The following NALCN variants were observed in gnomAD, a reference collection of about 807,000 sequenced individuals.
NALCN encodes the protein sodium leak channel NALCN.
In NALCN, 111 loss-of-function variants were observed where a neutral mutation model predicts 225.3. The ratio of observed to expected loss-of-function variants is 0.49; its 90% CI spans 0.42 to 0.58. The LOEUF is 0.58. Among genes scored for constraint, NALCN ranks in the 20% least tolerant of loss-of-function variants. NALCN has a pLI of 0.00. For missense variants in NALCN, 1,378 were observed against 2,202.4 expected (o/e 0.63, Z 7.49); for synonymous variants, 764 against 769.0 (o/e 0.99, Z 0.11).
intron 15 of NALCN, among the ~76,000 whole-genome samples, chr13:101,160,180 T>C (rs1008058450): frequency 6.6e-6 from 1 of 152,132 alleles, no homozygotes; most frequent in South Asian, 2.1e-4. Flanking sequence ...GGTCTCGATC[T>C]CCTGACCTTG....
intron 7 of NALCN, among the ~76,000 whole-genome samples, chr13:101,343,188 A>G (rs1243629320): frequency 2.0e-5 from 3 of 152,158 alleles, no homozygotes; most frequent in African/African-American, 7.2e-5. Flanking sequence ...TAGTTTGTGT[A>G]TCTACAGAGA....
intron 3 of NALCN, among the ~76,000 whole-genome samples, chr13:101,386,355 C>T (rs2139453807): frequency 6.6e-6 from 1 of 152,128 alleles, no homozygotes; most frequent in East Asian, 1.9e-4. Context: ...CCTGTATGTG[C>T]TAAGTCTGTC....
intron 14 of NALCN, among the ~76,000 whole-genome samples, chr13:101,185,813 C>G (rs1366152451): frequency 1.3e-5 from 2 of 152,196 alleles, no homozygotes; most frequent in African/African-American, 4.8e-5. Context: ...AAGACTAAAT[C>G]AGGAACTCAT....
At chr13:101,171,429 A>C (rs981596968) in intron 15 of NALCN, among the ~76,000 whole-genome samples, 1 of 151,214 alleles carries the variant, frequency 6.6e-6, no homozygotes, top group Non-Finnish European at 1.5e-5. Flanking sequence ...ATAGATATAC[A>C]CACACACACA....
intron 35 of NALCN, 58 bp from the exon 36 acceptor site, chr13:101,074,720 CAGAGAGAG>C (rs71200721): frequency 3.7e-6 from 5 of 1,343,676 alleles, no homozygotes; most frequent in Admixed American, 2.6e-5. Context: ...GAGACAGAGA[CAGAGAGAG>C]AGAGAGAGAG....
chr13:101,364,093 T>C (rs1210885717), intron 6 of NALCN, among the ~76,000 whole-genome samples: 3 of 152,082 alleles, frequency 2.0e-5, no homozygotes, highest in Non-Finnish European at 4.4e-5. Flanking sequence ...GGTGAGAATG[T>C]AGAGAAACAG....
rs755473617 is a variant in NALCN at position 101,062,130 on chromosome 13, AAC to A, written c.4605-14_4605-13del. 1.2e-5 allele frequency: 20 copies of A among 1,613,410 alleles called. No homozygotes were observed. The highest frequency in any genetic ancestry group is 1.6e-5 in the Non-Finnish European group (19 of 1,179,758). ...GGTATGAAAGCATGCTGGTGGGAGA[AAC>A]ACACCTGCAATCGCAGCTCTGATTC... On this transcript the variant is annotated splice_polypyrimidine_tract_variant and intron_variant, in intron 40 of 43. Coordinates refer to ENST00000251127, the MANE Select transcript of NALCN (RefSeq NM_052867.4).
At chr13:101,086,354 C>T (rs538697625) in intron 30 of NALCN, among the ~76,000 whole-genome samples, 20 of 151,998 alleles carry the variant, frequency 1.3e-4, no homozygotes, top group South Asian at 6.2e-4. Flanking sequence ...TTTACCTATA[C>T]CTCATTAGTT....
chr13:101,323,045 T>A (rs1242358910), intron 7 of NALCN, among the ~76,000 whole-genome samples: 1 of 152,194 alleles, frequency 6.6e-6, no homozygotes, highest in Admixed American at 6.5e-5. Context: ...GATAACTCTA[T>A]TTTGTTGAAT....
At chr13:101,330,059 T>G (rs1255496860) in intron 7 of NALCN, among the ~76,000 whole-genome samples, 1 of 149,496 alleles carries the variant, frequency 6.7e-6, no homozygotes, top group Non-Finnish European at 1.5e-5. Flanking sequence ...ATATAATATA[T>G]ATATACATAT....
chr13:101,398,536 A>G (rs1012139746), intron 2 of NALCN, among the ~76,000 whole-genome samples: 1 of 152,282 alleles, frequency 6.6e-6, no homozygotes, highest in East Asian at 1.9e-4. Context: ...CATCAACTTA[A>G]TTAGGCGGTG....
At chr13:101,293,987 G>C (rs1300677444) in intron 7 of NALCN, among the ~76,000 whole-genome samples, 4 of 152,132 alleles carry the variant, frequency 2.6e-5, no homozygotes, top group Admixed American at 6.5e-5. Flanking sequence ...GGAAATCTCT[G>C]TCTTATTAGC....
At chr13:101,416,873 C>A (rs2047962883), upstream of NALCN, among the ~76,000 whole-genome samples, 2 of 152,186 alleles carry the variant, frequency 1.3e-5, 1 homozygote, top group Admixed American at 1.3e-4. Context: ...GGGAGCCCAG[C>A]GTGCGAGCGT....
chr13:101,268,427 G>C (rs2042667147), intron 10 of NALCN, among the ~76,000 whole-genome samples: 1 of 152,152 alleles, frequency 6.6e-6, no homozygotes, highest in Non-Finnish European at 1.5e-5. Flanking sequence ...GTCTGCTGTA[G>C]GGTATTTGAA....
intron 14 of NALCN, among the ~76,000 whole-genome samples, chr13:101,188,372 T>G (rs1165156005): frequency 6.6e-6 from 1 of 152,100 alleles, no homozygotes; most frequent in Non-Finnish European, 1.5e-5. Context: ...TGACCATGTA[T>G]AACTTGGCCC....
chr13:101,167,612 G>A (rs1478814292), intron 15 of NALCN, among the ~76,000 whole-genome samples: 3 of 151,474 alleles, frequency 2.0e-5, no homozygotes, highest in Non-Finnish European at 4.4e-5. Flanking sequence ...TGAGGCAGGT[G>A]AGTCACTTGA....
chr13:101,293,867 C>A lies in NALCN; in HGVS notation c.800-1501G>T, dbSNP rs372038477. On this transcript the variant is annotated intron_variant, in intron 7 of 43. Coordinates refer to ENST00000251127, the MANE Select transcript of NALCN (RefSeq NM_052867.4). ...AGAATATAACTTCATAAATGTCCTGCCTTTCATTTTAAAAATCATATTTTG... is the reference window on the plus strand; with the variant it reads ...AGAATATAACTTCATAAATGTCCTGACTTTCATTTTAAAAATCATATTTTG... Among the ~76,000 whole-genome samples the A allele has an allele frequency of 3.7e-4, 57 of 152,296 alleles. 1 individual carries two copies. The highest frequency in any genetic ancestry group is 1.2e-3 in the African/African-American group (51 of 41,550).
intron 7 of NALCN, among the ~76,000 whole-genome samples, chr13:101,301,720 C>G (rs1437935334): frequency 1.5e-5 from 2 of 133,684 alleles, no homozygotes; most frequent in African/African-American, 5.8e-5. Flanking sequence ...GACTCTGTCT[C>G]AAAAAAAAAA....
intron 10 of NALCN, among the ~76,000 whole-genome samples, chr13:101,276,435 A>C (rs986543523): frequency 9.9e-5 from 15 of 152,186 alleles, no homozygotes; most frequent in Non-Finnish European, 1.5e-4. Context: ...TAACTTACCA[A>C]GCTAACAATA....
Sources: allele counts gnomAD v4.1 joint callset (sites outside exome capture counted in the v4.1 genomes callset), GRCh38; gene constraint gnomAD v4.1.1; transcripts MANE v1.5; gene names NCBI Gene and HGNC (gene_info 2026-07-23, HGNC 2026-07-21).